The following ZNF282 variants were observed in gnomAD, a reference collection of about 807,000 sequenced individuals.
ZNF282 encodes HTLV-I U5 repressive element-binding protein 1.
ZNF282 carries 30 observed loss-of-function variants against 61.9 expected under a neutral mutation model. The ratio of observed to expected loss-of-function variants is 0.48; its 90% confidence interval spans 0.36 to 0.66. The LOEUF is 0.66. Ranked by LOEUF, ZNF282 falls within the 30% of genes least tolerant of loss-of-function variation. The pLI is 0.00. For missense variants in ZNF282, 788 were observed against 941.4 expected (o/e 0.84, Z 2.13); for synonymous variants, 396 against 405.0 (o/e 0.98, Z 0.27).
chr7:149,201,104 C>G (rs1019750107), intron 2 of ZNF282, among the ~76,000 whole-genome samples: 1 of 152,208 alleles, frequency 6.6e-6, no homozygotes, highest in Non-Finnish European at 1.5e-5. Flanking sequence ...CCTGTTCTAC[C>G]TGAAGTTGTC....
At position 149,201,301 on chromosome 7, in the gene ZNF282, G is replaced by A. The variant is rs145140037; in HGVS notation, c.585+2549G>A. Among the ~76,000 whole-genome samples the A allele has an allele frequency of 3.9e-5, 6 of 152,308 alleles. No homozygotes were observed. The East Asian group carries it at 1.2e-3, about 29-fold the overall frequency. On this transcript the variant is annotated intron_variant, in intron 2 of 7. Coordinates refer to ENST00000610704, the MANE Select transcript of ZNF282 (RefSeq NM_003575.4). ...ACCTCCACTCCCATCGCCATCGTCT[G>A]GTCCCAGGCACCATGGTCTTTCATC...
chr7:149,200,785 C>T (rs1045825325), intron 2 of ZNF282, among the ~76,000 whole-genome samples: 17 of 152,006 alleles, frequency 1.1e-4, no homozygotes, highest in African/African-American at 3.9e-4. Context: ...TTAGGGGAGA[C>T]GGGGTTTCAC....
intron 2 of ZNF282, among the ~76,000 whole-genome samples, chr7:149,199,041 T>C (rs73725456): frequency 0.016 from 2,459 of 152,272 alleles, 70 homozygotes; most frequent in African/African-American, 0.057. Context: ...TTCTTGCAGC[T>C]CTTCACTCCT....
At chr7:149,209,641 A>G (rs571961803) in intron 4 of ZNF282, among the ~76,000 whole-genome samples, 146 of 152,302 alleles carry the variant, frequency 9.6e-4, no homozygotes, top group African/African-American at 2.8e-3. Context: ...AAAAGGGTAG[A>G]CCGGAACCCA....
chr7:149,215,172 G>A (rs376137876), intron 7 of ZNF282, among the ~76,000 whole-genome samples: 2 of 141,764 alleles, frequency 1.4e-5, no homozygotes, highest in African/African-American at 5.2e-5. Flanking sequence ...CTGCATGTGT[G>A]TTCCCTGTCC....
rs918739827 is a variant in ZNF282 at position 149,198,308 on chromosome 7, T to C, written c.166-25T>C. Reference sequence around the variant, plus strand: ...GCTCACACAAGGTCTCATCCTGGGTTGTCGCTTTCTCCCTCTGCATACAGG... The same window carrying C: ...GCTCACACAAGGTCTCATCCTGGGTCGTCGCTTTCTCCCTCTGCATACAGG... On this transcript the variant is annotated intron_variant, in intron 1 of 7. Transcript: ENST00000610704. The surrounding 1 kb of genome is among the most constrained non-coding windows in gnomAD (Gnocchi z 4.3). The C allele has an allele frequency of 2.5e-5, 40 of 1,574,494 alleles. No individual in the cohort carries two copies. Among genetic ancestry groups the C allele is most frequent in the Non-Finnish European group, 3.5e-5 (40 of 1,157,908 alleles).
In ZNF282 at chr7:149,198,478, C is replaced by T; in HGVS notation, c.311C>T (p.Ala104Val). The change falls in exon 2 of 8, where the codon GCC becomes GTC. Residue 104 changes from alanine to valine, a missense_variant. By Grantham distance (64) the Ala-to-Val change is moderately conservative. Around this residue, in one of 3 missense-constraint regions of ZNF282, gnomAD observed 92 missense variants for 163.9 expected, o/e 0.56. Coordinates refer to ENST00000610704, the MANE Select transcript of ZNF282 (RefSeq NM_003575.4). The surrounding 1 kb of genome is among the most constrained non-coding windows in gnomAD (Gnocchi z 4.3). ...AEISLWTVVA[A>V]IQAVERKVDA... ...ATCTCACTCTGGACTGTGGTGGCTG[C>T]CATTCAGGCTGTGGAGAGGAAGGTG... The T allele has an allele frequency of 6.2e-7, 1 of 1,614,222 alleles. No individual in the cohort carries two copies. The highest frequency in any genetic ancestry group is 8.5e-7 in the Non-Finnish European group (1 of 1,180,046).
intron 2 of ZNF282, 93 bp from the exon 3 acceptor site, chr7:149,206,603 T>G: frequency 1.3e-6 from 2 of 1,567,152 alleles, no homozygotes; most frequent in South Asian, 1.2e-5. Flanking sequence ...AGGCCGGGCT[T>G]TGGTGGGGAG....
chr7:149,198,792 C>T lies in ZNF282; in HGVS notation c.585+40C>T. On this transcript the variant is annotated intron_variant, in intron 2 of 7. Coordinates refer to ENST00000610704, the MANE Select transcript of ZNF282 (RefSeq NM_003575.4). The surrounding 1 kb of genome is among the most constrained non-coding windows in gnomAD (Gnocchi z 4.3). ...CTGGGGCAGGGATAGAGGTGAGGAA[C>T]AGCACAGGTGCATAAAATTCTTGAT... 1.9e-6 allele frequency: 3 copies of T among 1,571,188 alleles called. No homozygotes were observed. Among genetic ancestry groups the T allele is most frequent in the Non-Finnish European group, 2.6e-6 (3 of 1,162,034 alleles).
chr7:149,203,015 G>A (rs1228505679), intron 2 of ZNF282, among the ~76,000 whole-genome samples: 2 of 152,150 alleles, frequency 1.3e-5, no homozygotes, highest in South Asian at 2.1e-4. Context: ...GTTGTTTGAC[G>A]TTACTCATTG....
rs1008972348 is a variant in ZNF282, at chr7:149,225,154, C to G, written c.*507C>G. 1 of 159,384 alleles carries G rather than the reference C, an allele frequency of 6.3e-6. No homozygotes were observed. The highest frequency in any genetic ancestry group is 2.4e-5 in the African/African-American group (1 of 41,490). The allele number at this position is 159,384 out of a possible 1,614,324, so 9.9% of individuals were successfully genotyped here. On this transcript the variant is annotated 3_prime_UTR_variant, in exon 8 of 8. Coordinates refer to ENST00000610704, the MANE Select transcript of ZNF282 (RefSeq NM_003575.4). ...ATCCGTTATCCATTTCACCCTTGGC[C>G]TATCCCTCTCAGATAGGTGGGGTAG... is the stretch of plus-strand genomic sequence containing the variant.
At chr7:149,211,316 T>G (rs1189068727) in intron 5 of ZNF282, among the ~76,000 whole-genome samples, 2 of 152,164 alleles carry the variant, frequency 1.3e-5, no homozygotes, top group Non-Finnish European at 2.9e-5. Flanking sequence ...GGCTTGTGAT[T>G]GTGGAGGCCG....
At chr7:149,201,752 A>G (rs906804678) in intron 2 of ZNF282, among the ~76,000 whole-genome samples, 2 of 151,664 alleles carry the variant, frequency 1.3e-5, no homozygotes. Context: ...AATCTGTCTT[A>G]AAAAAAACCC....
At position 149,215,734 on chromosome 7, in the gene ZNF282, T is replaced by C. The variant is rs781433033; in HGVS notation, c.1180+1920T>C. Among the ~76,000 whole-genome samples the C allele has an allele frequency of 2.6e-5, 4 of 152,254 alleles. No homozygotes were observed. In the East Asian group the frequency reaches 7.7e-4, roughly 29 times the overall value. On this transcript the variant is annotated intron_variant, in intron 7 of 7. Transcript: ENST00000610704. ...GTCCTCTTTGTAACTGCTGGCTTGG[T>C]GGGATGAGATGGGGGAAGCCAGGAA...
intron 4 of ZNF282, among the ~76,000 whole-genome samples, chr7:149,207,847 C>T (rs555889608): frequency 5.9e-5 from 9 of 152,334 alleles, no homozygotes; most frequent in Admixed American, 1.3e-4. Context: ...CCCGGCCCGT[C>T]GCTTATTGCT....
intron 7 of ZNF282, among the ~76,000 whole-genome samples, chr7:149,220,917 GTT>G (rs764989538): frequency 4.2e-5 from 2 of 47,690 alleles, no homozygotes; most frequent in Admixed American, 2.7e-4. Context: ...CCCCTGGAGG[GTT>G]TTTTTTTTTT....
At chr7:149,197,818 A>G (rs901134172) in intron 1 of ZNF282, among the ~76,000 whole-genome samples, 21 of 152,218 alleles carry the variant, frequency 1.4e-4, no homozygotes, top group African/African-American at 4.8e-4. Flanking sequence ...CCCAGCTGGC[A>G]GTGCAGGGAG....
chr7:149,216,142 A>G (rs959301157), intron 7 of ZNF282, among the ~76,000 whole-genome samples: 5 of 152,196 alleles, frequency 3.3e-5, no homozygotes, highest in Admixed American at 6.5e-5. Flanking sequence ...TCTGCCGCTC[A>G]GGCTGGAGTG....
At chr7:149,222,628 ATTTATTT>A (rs1350687576) in intron 7 of ZNF282, among the ~76,000 whole-genome samples, 2 of 152,058 alleles carry the variant, frequency 1.3e-5, no homozygotes, top group South Asian at 2.1e-4. Context: ...CTCAACAAAA[ATTTATTT>A]TTTATTTTTT....
Sources: allele counts gnomAD v4.1 joint callset (sites outside exome capture counted in the v4.1 genomes callset), GRCh38; gene constraint gnomAD v4.1.1; regional missense constraint gnomAD v4.1.1; non-coding constraint Gnocchi (gnomAD v3.1); transcripts MANE v1.5; gene names NCBI Gene and HGNC (gene_info 2026-07-23, HGNC 2026-07-21).